The following DISC1 variants were observed in gnomAD, a reference collection of about 807,000 sequenced individuals.
DISC1 encodes the protein disrupted in schizophrenia 1 protein.
In DISC1, 57 loss-of-function variants were observed where a neutral mutation model predicts 84.5. The ratio of observed to expected loss-of-function variants is 0.67; its 90% CI spans 0.55 to 0.84. The LOEUF is 0.84. DISC1 is among the 40% of genes least tolerant of loss of function. The probability of loss-of-function intolerance (pLI) is 0.00; values close to 1 mark genes in which losing one functional copy is unlikely to be tolerated. For missense variants in DISC1, 1,000 were observed against 1,057.8 expected (o/e 0.95, Z 0.76); for synonymous variants, 411 against 415.2 (o/e 0.99, Z 0.12).
chr1:231,882,320 G>C (rs2086344326), intron 9 of DISC1, among the ~76,000 whole-genome samples: 1 of 152,102 alleles, frequency 6.6e-6, no homozygotes, highest in Non-Finnish European at 1.5e-5. Flanking sequence ...GGAACACGGC[G>C]ATGTTTTCTG....
At position 231,886,865 on chromosome 1, in the gene DISC1, CCTTT is replaced by C. The variant is rs2086810296; in HGVS notation, c.1981+68349_1981+68352del. Among the ~76,000 whole-genome samples the C allele has an allele frequency of 4.6e-5, 3 of 65,402 alleles. 1 individual carries two copies. 42.9% of individuals were successfully genotyped at this position (65,402 alleles called of 152,430 possible). On this transcript the variant is annotated intron_variant, in intron 9 of 12. Coordinates refer to ENST00000439617, the MANE Select transcript of DISC1 (RefSeq NM_018662.3). ...TTTCTTTTCTTTCTTTCTTTTCTTT[CCTTT>C]TTTTTTTTTTGAAATGGAGTCTTGC...
In DISC1 at chr1:231,954,176, A is replaced by G. The variant is rs1020971449; in HGVS notation, c.1982-4652A>G. On this transcript the variant is annotated intron_variant, in intron 9 of 12. Transcript: ENST00000439617. This position sits in a 1 kb window ranked among gnomAD's most constrained non-coding sequence, Gnocchi z 4.8. The stretch of plus-strand genomic sequence containing the variant: ...GGATTATTGGTTATGATGAATATTT[A>G]TGGAAAATGTTGCTGTGCACTCCAG... Among the ~76,000 whole-genome samples the G allele has an allele frequency of 6.6e-6, 1 of 152,086 alleles. No individual in the cohort carries two copies. Among genetic ancestry groups the G allele is most frequent in the African/African-American group, 2.4e-5 (1 of 41,402 alleles).
At position 231,700,359 on chromosome 1, in the gene DISC1, G is replaced by GT. The variant is rs534577382; in HGVS notation, c.1048-1590dup. On this transcript the variant is annotated intron_variant, in intron 2 of 12. Transcript: ENST00000439617. The stretch of plus-strand genomic sequence containing the variant: ...TTAATGAATAGGAAATTTATTTTCT[G>GT]TTTTTTATGATGTTTTTCGTCATCT... 2.7e-3 allele frequency among the ~76,000 whole-genome samples: 415 copies of GT among 152,060 alleles called. 2 individuals carry two copies. The highest frequency in any genetic ancestry group is 9.4e-3 in the African/African-American group (389 of 41,482).
rs1310311947 is a variant in DISC1 at position 231,639,676 on chromosome 1, G to C, written c.67+12742G>C. Among the ~76,000 whole-genome samples the C allele has an allele frequency of 2.0e-5, 3 of 152,194 alleles. No homozygotes were observed. The South Asian group carries it at 6.2e-4, about 32-fold the overall frequency. On this transcript the variant is annotated intron_variant, in intron 1 of 12. Transcript: ENST00000439617. ...TCTGTAGATCTCAGTGTCCTCCCTT[G>C]TGAAAATGGGGATAATATCAGCCCT...
rs1243913011 is a variant in DISC1 at position 231,985,278 on chromosome 1, A to ATTGTG, written c.2043-23506_2043-23502dup. On this transcript the variant is annotated intron_variant, in intron 10 of 12. Coordinates refer to ENST00000439617, the MANE Select transcript of DISC1 (RefSeq NM_018662.3). ...AAGGCGGAGGTTGTAGTGAGCTGAG[A>ATTGTG]TTGTGCCATTGCACTCCAACCTGGG... 3.4e-5 allele frequency among the ~76,000 whole-genome samples: 5 copies of ATTGTG among 148,948 alleles called. No homozygotes were observed. The East Asian group carries it at 1.0e-3, about 31-fold the overall frequency.
At chr1:231,743,125 T>A (rs921748025) in intron 3 of DISC1, among the ~76,000 whole-genome samples, 3 of 152,188 alleles carry the variant, frequency 2.0e-5, no homozygotes. Context: ...ATGGGTATAG[T>A]TTAGAATATG....
At chr1:231,829,486 T>A (rs1207241284) in intron 9 of DISC1, among the ~76,000 whole-genome samples, 1 of 152,160 alleles carries the variant, frequency 6.6e-6, no homozygotes, top group African/African-American at 2.4e-5. Flanking sequence ...CATCTCAGTC[T>A]TCCGAGTAGC....
intron 3 of DISC1, 54 bp from the exon 4 acceptor site, chr1:231,749,872 T>C: frequency 2.5e-6 from 4 of 1,612,922 alleles, no homozygotes; most frequent in Non-Finnish European, 3.4e-6. Context: ...CGGGGTTATC[T>C]ATTTTGCATT....
intron 1 of DISC1, among the ~76,000 whole-genome samples, chr1:231,635,192 TG>T (rs1237013988): frequency 6.6e-6 from 1 of 152,150 alleles, no homozygotes. Flanking sequence ...CAGATCTGAT[TG>T]GGTTATTGTT....
In DISC1 at chr1:231,971,906, C is replaced by T. The variant is rs897962640; in HGVS notation, c.2042+13018C>T. ...CAGTAGAAATCATACAATGATTTAG[C>T]GGACTAAGAAAAAGAAGAGAATCAC... On this transcript the variant is annotated intron_variant, in intron 10 of 12. Transcript: ENST00000439617. 1.1e-4 allele frequency among the ~76,000 whole-genome samples: 16 copies of T among 152,086 alleles called. 1 individual carries two copies. The highest frequency in any genetic ancestry group is 3.9e-4 in the African/African-American group (16 of 41,394).
At chr1:231,955,279 A>T (rs1486630861) in intron 9 of DISC1, among the ~76,000 whole-genome samples, 4 of 152,170 alleles carry the variant, frequency 2.6e-5, no homozygotes, top group Non-Finnish European at 5.9e-5. Flanking sequence ...TCTCTGTTCC[A>T]GAACTTTCCC....
intron 1 of DISC1, among the ~76,000 whole-genome samples, chr1:231,664,828 AAT>A (rs2061877697): frequency 6.6e-6 from 1 of 152,110 alleles, no homozygotes; most frequent in African/African-American, 2.4e-5. Context: ...TTTTTTAGTA[AAT>A]ATATTAGAAA....
At chr1:231,702,209 C>T (rs1341445734) in intron 3 of DISC1, 185 bp downstream of exon 3, 40 of 1,345,528 alleles carry the variant, frequency 3.0e-5, no homozygotes, top group Non-Finnish European at 3.4e-5. Context: ...ACTTCATGAA[C>T]ATTAATCCTT....
At chr1:231,708,735 G>A (rs2067419624) in intron 3 of DISC1, among the ~76,000 whole-genome samples, 1 of 152,134 alleles carries the variant, frequency 6.6e-6, no homozygotes, top group African/African-American at 2.4e-5. Context: ...GTCCCACTGT[G>A]GAAGACTGAG....
chr1:231,733,462 G>C (rs181907202), intron 3 of DISC1, among the ~76,000 whole-genome samples: 1 of 151,848 alleles, frequency 6.6e-6, no homozygotes, highest in Admixed American at 6.6e-5. Flanking sequence ...TGTAGAAGTG[G>C]TGGTGATGGT....
intron 6 of DISC1, among the ~76,000 whole-genome samples, chr1:231,783,786 A>G (rs936677193): frequency 1.3e-5 from 2 of 152,150 alleles, no homozygotes; most frequent in Non-Finnish European, 2.9e-5. Flanking sequence ...CAAATTCACT[A>G]TTAGGGCTTA....
chr1:231,795,412 C>A, intron 7 of DISC1, 116 bp downstream of exon 7: 1 of 927,050 alleles, frequency 1.1e-6, no homozygotes, highest in Non-Finnish European at 1.7e-6. Flanking sequence ...TAGACTTTGT[C>A]AAGCCATTTT....
intron 9 of DISC1, among the ~76,000 whole-genome samples, chr1:231,833,689 G>A (rs2082413248): frequency 6.6e-6 from 1 of 152,210 alleles, no homozygotes. Context: ...CCTGGGGGAG[G>A]CAGGCCTGGA....
At chr1:231,941,290 C>G (rs200411863) in intron 9 of DISC1, among the ~76,000 whole-genome samples, 1 of 152,092 alleles carries the variant, frequency 6.6e-6, no homozygotes, top group Non-Finnish European at 1.5e-5. Context: ...AACACTCAGC[C>G]GGCTCCCACA....
Sources: gnomAD v4.1 joint callset for allele counts (sites outside exome capture counted in the v4.1 genomes callset) on GRCh38, gnomAD v4.1.1 for gene constraint, Gnocchi (gnomAD v3.1) non-coding constraint, MANE v1.5 for transcripts, NCBI Gene and HGNC (gene_info 2026-07-23, HGNC 2026-07-21) for gene names.